The following C2orf42 variants were observed in gnomAD, a reference collection of about 807,000 sequenced individuals.
The protein encoded by C2orf42 is uncharacterized protein C2orf42.
A neutral mutation model predicts 58.9 loss-of-function variants in C2orf42; 44 were observed. That is an observed-to-expected ratio of 0.75 (90% CI 0.59 to 0.96). The LOEUF is 0.96. C2orf42 is among the 40% of genes least tolerant of loss of function. The probability of loss-of-function intolerance (pLI) is 0.00; values close to 1 mark genes in which losing one functional copy is unlikely to be tolerated. For synonymous variants in C2orf42, 239 were observed against 265.4 expected (o/e 0.90, Z 0.97); for missense variants, 630 against 699.2 (o/e 0.90, Z 1.12).
At chr2:70,175,159 G>A (rs1038821173) in intron 5 of C2orf42, among the ~76,000 whole-genome samples, 7 of 151,838 alleles carry the variant, frequency 4.6e-5, no homozygotes, top group Non-Finnish European at 1.0e-4. Context: ...ACAGGGTTTT[G>A]CCACGTTGGC....
At position 70,150,499 on chromosome 2, in the gene C2orf42, G is replaced by A; in HGVS notation, c.1582C>T (p.Pro528Ser). The A allele has an allele frequency of 6.2e-7, 1 of 1,614,112 alleles. No homozygotes were observed. The highest frequency in any genetic ancestry group is 8.5e-7 in the Non-Finnish European group (1 of 1,179,970). The change falls in exon 10 of 10, where the codon CCC (proline) becomes TCC (serine). Residue 528 changes from proline to serine, a missense_variant. By Grantham distance (74) the Pro-to-Ser change is moderately conservative. Coordinates refer to ENST00000264434, the MANE Select transcript of C2orf42 (RefSeq NM_017880.3). Reference sequence around the variant, plus strand: ...CGCAGCTCGCCAATCTTAGATTGGGGAAGGATATCTGGGATCCACTCGATG... The same window carrying A: ...CGCAGCTCGCCAATCTTAGATTGGGAAAGGATATCTGGGATCCACTCGATG... ...FIIEWIPDIL[P>S]QSKIGELRIK...
At chr2:70,170,121 A>C (rs1673700790) in intron 5 of C2orf42, among the ~76,000 whole-genome samples, 1 of 151,754 alleles carries the variant, frequency 6.6e-6, no homozygotes, top group Non-Finnish European at 1.5e-5. Context: ...TCCTAGGCTC[A>C]AGCAATCCAC....
chr2:70,153,147 C>T (rs1672415046), intron 9 of C2orf42, among the ~76,000 whole-genome samples: 1 of 151,770 alleles, frequency 6.6e-6, no homozygotes, highest in African/African-American at 2.4e-5. Flanking sequence ...ACTATATATG[C>T]GGGGAATCTT....
At chr2:70,173,926 A>G (rs1674008736) in intron 5 of C2orf42, among the ~76,000 whole-genome samples, 2 of 152,214 alleles carry the variant, frequency 1.3e-5, no homozygotes, top group South Asian at 2.1e-4. Context: ...TTGAATCTCT[A>G]TACCAATTGC....
rs560078734 is a variant in C2orf42, at chr2:70,187,695, GT to G, written c.-282+3277del. ...ATTTCAACACATTTATTACATTTTAGTTTTTTTTAAATTGAGACGGAGTCTC... is the reference window on the plus strand; with the variant it reads ...ATTTCAACACATTTATTACATTTTAGTTTTTTTAAATTGAGACGGAGTCTC... On this transcript the variant is annotated intron_variant, in intron 1 of 9. Coordinates refer to ENST00000264434, the MANE Select transcript of C2orf42 (RefSeq NM_017880.3). Among the ~76,000 whole-genome samples, 255 of 151,822 alleles carry G rather than the reference GT, an allele frequency of 1.7e-3. 3 individuals are homozygous for G. Among genetic ancestry groups the G allele is most frequent in the Admixed American group, 0.014 (211 of 15,216 alleles).
intron 8 of C2orf42, among the ~76,000 whole-genome samples, chr2:70,163,436 G>C (rs62151192): frequency 6.6e-6 from 1 of 151,488 alleles, no homozygotes; most frequent in African/African-American, 2.4e-5. Flanking sequence ...TAGTAGAGAC[G>C]GGGTTTCACT....
At chr2:70,173,201 T>G (rs1285017414) in intron 5 of C2orf42, among the ~76,000 whole-genome samples, 1 of 151,698 alleles carries the variant, frequency 6.6e-6, no homozygotes, top group Non-Finnish European at 1.5e-5. Flanking sequence ...TATTTGATGC[T>G]GTTGATCTGC....
rs1243055517 is a variant in C2orf42, at chr2:70,166,179, G to A, written c.1145-544C>T. Among the ~76,000 whole-genome samples the A allele has an allele frequency of 2.6e-4, 39 of 151,182 alleles. 1 individual carries two copies. Among genetic ancestry groups the A allele is most frequent in the Admixed American group, 2.4e-3 (36 of 15,112 alleles). ...GCTGGGATTACAGGCGTGAGCCACC[G>A]TGCCTGGCCAAAATTTTTTTTTAAA... On this transcript the variant is annotated intron_variant, in intron 6 of 9. Coordinates refer to ENST00000264434, the MANE Select transcript of C2orf42 (RefSeq NM_017880.3).
At chr2:70,160,342 A>G (rs1672974620) in intron 9 of C2orf42, among the ~76,000 whole-genome samples, 1 of 152,014 alleles carries the variant, frequency 6.6e-6, no homozygotes, top group South Asian at 2.1e-4. Context: ...GGGTTTCACC[A>G]TGTTGGCCAG....
chr2:70,169,215 A>C (rs1039390976), intron 6 of C2orf42, among the ~76,000 whole-genome samples: 4 of 151,388 alleles, frequency 2.6e-5, no homozygotes, highest in Non-Finnish European at 5.9e-5. Context: ...TGAGAGTTAG[A>C]ATAGTCTCAT....
At chr2:70,167,366 AAAAAG>A (rs1481521127) in intron 6 of C2orf42, among the ~76,000 whole-genome samples, 3 of 151,614 alleles carry the variant, frequency 2.0e-5, no homozygotes, top group Non-Finnish European at 2.9e-5. Flanking sequence ...TCAAAAAAAA[AAAAAG>A]AAAAGAAACT....
intron 1 of C2orf42, among the ~76,000 whole-genome samples, chr2:70,189,347 G>C (rs1414793935): frequency 7.0e-6 from 1 of 143,138 alleles, no homozygotes; most frequent in East Asian, 2.1e-4. Flanking sequence ...CAGAGGTTGC[G>C]GTGAGCCAAG....
intron 4 of C2orf42, among the ~76,000 whole-genome samples, chr2:70,177,859 A>C (rs1674293932): frequency 6.6e-6 from 1 of 152,038 alleles, no homozygotes; most frequent in Non-Finnish European, 1.5e-5. Flanking sequence ...AACACAGTGA[A>C]ACCCTGTCTC....
chr2:70,174,151 T>C (rs905460779), intron 5 of C2orf42, among the ~76,000 whole-genome samples: 3 of 151,820 alleles, frequency 2.0e-5, no homozygotes, highest in African/African-American at 7.3e-5. Flanking sequence ...CTACTAAAAA[T>C]ACAAAAATTA....
chr2:70,174,719 G>A (rs1038148861), intron 5 of C2orf42, among the ~76,000 whole-genome samples: 2 of 147,666 alleles, frequency 1.4e-5, no homozygotes, highest in Admixed American at 6.8e-5. Context: ...TGCCCAGGAT[G>A]GAGGAAAATG....
At chr2:70,150,676 A>T (rs574633640) in intron 9 of C2orf42, 112 bp from the exon 10 acceptor site, 1 of 680,800 alleles carries the variant, frequency 1.5e-6, no homozygotes, top group Non-Finnish European at 2.6e-6. Flanking sequence ...GATAATCAGA[A>T]GGCCGAATGA....
At position 70,181,405 on chromosome 2, in the gene C2orf42, T is replaced by C. The variant is rs941482806; in HGVS notation, c.581A>G (p.Lys194Arg). The stretch of plus-strand genomic sequence containing the variant: ...CCCCAAACTGTGCTTCTGGCTTGCC[T>C]TGCATTTCACCACCAAGATGTTTTT... ...ITKNILVVKC[K>R]ASQKHSLGYL... Residue 194 changes from lysine to arginine, a missense_variant, in exon 3 of 10, where the codon AAG (lysine) becomes AGG (arginine). Lys to Arg is a conservative substitution (Grantham distance 26). Coordinates refer to ENST00000264434, the MANE Select transcript of C2orf42 (RefSeq NM_017880.3). 6.2e-7 allele frequency: 1 copy of C among 1,614,146 alleles called. No homozygotes were observed. Among genetic ancestry groups the C allele is most frequent in the Non-Finnish European group, 8.5e-7 (1 of 1,180,010 alleles).
intron 5 of C2orf42, among the ~76,000 whole-genome samples, chr2:70,173,798 T>C (rs1673997451): frequency 6.6e-6 from 1 of 151,394 alleles, no homozygotes; most frequent in Non-Finnish European, 1.5e-5. Context: ...TTTTTGTTTT[T>C]TGTGTTTTTT....
At chr2:70,161,038 C>T (rs1673023694) in intron 8 of C2orf42, among the ~76,000 whole-genome samples, 1 of 152,104 alleles carries the variant, frequency 6.6e-6, no homozygotes, top group East Asian at 1.9e-4. Context: ...CCAATTGAGC[C>T]TCTAACATCT....
Sources: gnomAD v4.1 joint callset for allele counts (sites outside exome capture counted in the v4.1 genomes callset) on GRCh38, gnomAD v4.1.1 for gene constraint, MANE v1.5 for transcripts, NCBI Gene and HGNC (gene_info 2026-07-23, HGNC 2026-07-21) for gene names.